The following IL17REL variants were observed in gnomAD, a reference collection of about 807,000 sequenced individuals.
IL17REL encodes the protein interleukin-17 receptor E-like protein.
Under a neutral mutation model 49.0 loss-of-function variants are expected in IL17REL, and 36 were observed. The observed-to-expected ratio is 0.73, with a 90% CI of 0.56 to 0.97. IL17REL has a LOEUF of 0.97. IL17REL is among the 50% of genes least tolerant of loss of function. The pLI is 0.00. For missense variants in IL17REL, 470 were observed against 453.9 expected, an observed-to-expected ratio of 1.04 and a Z score of -0.32; for synonymous variants, 206 against 192.4, an observed-to-expected ratio of 1.07 and a Z score of -0.58.
At chr22:50,009,760 G>A (rs1174195070), upstream of IL17REL, among the ~76,000 whole-genome samples, 1 of 152,202 alleles carries the variant, frequency 6.6e-6, no homozygotes, top group African/African-American at 2.4e-5. Flanking sequence ...TGTGGAGCGG[G>A]CATTACCGGT....
intron 5 of IL17REL, 55 bp downstream of exon 7, chr22:49,999,773 G>A (rs1195884987): frequency 3.0e-6 from 4 of 1,311,762 alleles, no homozygotes; most frequent in African/African-American, 1.6e-5. Context: ...GGGGCCCGGG[G>A]CGCGGAGGTG....
downstream of IL17REL, among the ~76,000 whole-genome samples, chr22:49,992,906 C>T (rs1267346584): frequency 2.0e-5 from 3 of 152,188 alleles, no homozygotes; most frequent in South Asian, 2.1e-4. Flanking sequence ...CGGGAGCCAC[C>T]GTGCCCAGAC....
At chr22:50,004,659 G>A (rs1461902547) in intron 1 of IL17REL, among the ~76,000 whole-genome samples, 2 of 151,690 alleles carry the variant, frequency 1.3e-5, no homozygotes, top group Non-Finnish European at 2.9e-5. Context: ...TCAGGGGTTC[G>A]AGACCAGCCT....
exon 4 of IL17REL, chr22:50,000,568 C>T: frequency 6.2e-7 from 1 of 1,613,366 alleles, no homozygotes; most frequent in East Asian, 2.2e-5. Flanking sequence ...ACGCTCACCG[C>T]AAAGCAGCCA....
chr22:50,002,288 G>A (rs1428040041), intron 1 of IL17REL, among the ~76,000 whole-genome samples: 1 of 152,200 alleles, frequency 6.6e-6, no homozygotes, highest in African/African-American at 2.4e-5. Flanking sequence ...CTCCCGCTCT[G>A]TGGAGTGCTC....
chr22:50,003,842 G>C (rs868677762), intron 1 of IL17REL, among the ~76,000 whole-genome samples: 2 of 151,914 alleles, frequency 1.3e-5, no homozygotes, highest in Non-Finnish European at 2.9e-5. Context: ...TTCTCACTTC[G>C]ACTCAATACT....
At chr22:49,999,217 C>T in intron 7 of IL17REL, 74 bp downstream of exon 9, 1 of 1,547,954 alleles carries the variant, frequency 6.5e-7, no homozygotes, top group Non-Finnish European at 8.9e-7. Flanking sequence ...CCCCCCACGT[C>T]AGTCCTCATG....
At chr22:50,004,178 A>G (rs1006795488) in intron 1 of IL17REL, among the ~76,000 whole-genome samples, 1 of 152,040 alleles carries the variant, frequency 6.6e-6, no homozygotes, top group African/African-American at 2.4e-5. Context: ...TCCCGGGTTC[A>G]AGCGATTCTT....
Position 49,999,916 on chromosome 22 carries a change from T to TGCACCAGAATCGCCGTGGACC in IL17REL, c.385_386insGGTCCACGGCGATTCTGGTGC (p.Val128_Gln129insArgSerThrAlaIleLeuVal). On this transcript the variant is annotated inframe_insertion, in exon 5 of 13. Coordinates refer to ENST00000341280, the Ensembl canonical transcript of IL17REL. ...GGGGCTCCCGGAGGCCCTGGGCACT[T>TGCACCAGAATCGCCGTGGACC]GCACCAGAATCGCCTTGCGCCTCCG... The TGCACCAGAATCGCCGTGGACC allele has an allele frequency of 2.0e-6, 3 of 1,535,534 alleles. No individual in the cohort carries two copies. The South Asian group carries it at 3.7e-5, about 19-fold the overall frequency.
At chr22:50,006,230 G>A (rs1293340991) in intron 1 of IL17REL, among the ~76,000 whole-genome samples, 1 of 152,132 alleles carries the variant, frequency 6.6e-6, no homozygotes, top group African/African-American at 2.4e-5. Flanking sequence ...GAGTGGAGGA[G>A]CAGGGAGAGA....
intron 1 of IL17REL, among the ~76,000 whole-genome samples, chr22:50,004,012 A>G (rs1212593188): frequency 3.9e-5 from 6 of 152,224 alleles, no homozygotes; most frequent in Middle Eastern, 3.2e-3. Flanking sequence ...AAGTTTAGCA[A>G]AGTTGCAGAA....
At chr22:50,006,200 G>A (rs1370666078) in intron 1 of IL17REL, among the ~76,000 whole-genome samples, 2 of 152,098 alleles carry the variant, frequency 1.3e-5, no homozygotes, top group African/African-American at 2.4e-5. Context: ...CCAAAGCCCA[G>A]GCACTGTTCC....
intron 4 of IL17REL, 118 bp downstream of exon 5, chr22:50,000,360 G>A: frequency 1.3e-6 from 1 of 764,412 alleles, no homozygotes; most frequent in East Asian, 2.5e-5. Flanking sequence ...TTAAGCCAGA[G>A]GTCTTGCGGG....
upstream of IL17REL, among the ~76,000 whole-genome samples, chr22:50,012,210 TC>T (rs2061144967): frequency 1.3e-5 from 2 of 152,266 alleles, no homozygotes; most frequent in Admixed American, 1.3e-4. Context: ...TGTTGCGGGC[TC>T]CCGATGGCTC....
exon 2 of IL17REL, chr22:50,001,089 G>A (rs1308706503): frequency 5.0e-6 from 8 of 1,585,770 alleles, no homozygotes; most frequent in Non-Finnish European, 6.9e-6. Context: ...CACCATGCAG[G>A]GTGATGGAGG....
intron 2 of IL17REL, 64 bp from the exon 4 acceptor site, chr22:50,000,927 C>T: frequency 7.4e-7 from 1 of 1,346,144 alleles, no homozygotes; most frequent in Non-Finnish European, 1.0e-6. Flanking sequence ...CCGGACGGGG[C>T]CGTGGGACCC....
intron 10 of IL17REL, 30 bp from the exon 13 acceptor site, chr22:49,997,513 C>A: frequency 7.2e-7 from 1 of 1,385,748 alleles, no homozygotes; most frequent in Non-Finnish European, 1.0e-6. Flanking sequence ...AGACCCCCAT[C>A]CGGCCCAGCA....
intron 1 of IL17REL, among the ~76,000 whole-genome samples, chr22:50,006,908 T>TC (rs2061113358): frequency 6.7e-6 from 1 of 149,304 alleles, no homozygotes; most frequent in Non-Finnish European, 1.5e-5. Context: ...TGAGCCAAGA[T>TC]TGCACCACTG....
exon 8 of IL17REL, chr22:49,998,175 G>A (rs199676737): frequency 8.7e-6 from 14 of 1,610,210 alleles, no homozygotes; most frequent in South Asian, 2.2e-5. Flanking sequence ...TGCAGCTTAC[G>A]GCAGCCGGCC....
Sources: allele counts gnomAD v4.1 joint callset (sites outside exome capture counted in the v4.1 genomes callset), GRCh38; gene constraint gnomAD v4.1.1; transcripts MANE v1.5; gene names NCBI Gene and HGNC (gene_info 2026-07-23, HGNC 2026-07-21).